Variants in GRIK3 observed in about 807,000 individuals in gnomAD.
GRIK3 encodes glutamate ionotropic receptor kainate type subunit 3, also known as glutamate receptor ionotropic, kainate 3.
GRIK3 carries 29 observed loss-of-function variants against 102.5 expected under a neutral mutation model. That is an observed-to-expected ratio of 0.28 (90% confidence interval 0.21 to 0.39). The LOEUF (loss-of-function observed/expected upper bound fraction) is 0.39. Ranked by LOEUF, GRIK3 falls within the 10% of genes least tolerant of loss-of-function variation. GRIK3 has a pLI of 1.00. For synonymous variants in GRIK3, 511 were observed against 504.9 expected (o/e 1.01, Z -0.16); for missense variants, 908 against 1,252.4 (o/e 0.73, Z 4.15).
intron 1 of GRIK3, among the ~76,000 whole-genome samples, chr1:36,915,195 A>C (rs1641385392): frequency 6.6e-6 from 1 of 152,152 alleles, no homozygotes; most frequent in African/African-American, 2.4e-5. Context: ...CCACTGTGAC[A>C]CCTTGCTTGC....
chr1:36,883,642 T>C (rs532495321), intron 2 of GRIK3, among the ~76,000 whole-genome samples: 1 of 152,304 alleles, frequency 6.6e-6, no homozygotes, highest in Non-Finnish European at 1.5e-5. Flanking sequence ...CACAGGCTCC[T>C]GGTGGGTATG....
At chr1:36,964,464 G>A (rs571647374) in intron 1 of GRIK3, among the ~76,000 whole-genome samples, 113 of 152,258 alleles carry the variant, frequency 7.4e-4, no homozygotes, top group African/African-American at 1.3e-3. Context: ...AGACAAGTCC[G>A]GCCACTGGAA....
chr1:36,885,189 C>T (rs1265781877), intron 2 of GRIK3, among the ~76,000 whole-genome samples: 2 of 152,110 alleles, frequency 1.3e-5, no homozygotes, highest in African/African-American at 2.4e-5. Context: ...ATGAGACTGA[C>T]AATGATAAAT....
chr1:36,850,091 T>C lies in GRIK3; in HGVS notation c.1326+220A>G, dbSNP rs1362411947. On this transcript the variant is annotated intron_variant, in intron 9 of 15. Transcript: ENST00000373091. The surrounding 1 kb of genome is among the most constrained non-coding windows in gnomAD (Gnocchi z 4.0). ...AGACATCAAGGACTTGGGGAGTGAG[T>C]GGGAGTGAGACACAAAAACGCAGCG... 1 of 541,712 alleles carries C rather than the reference T, an allele frequency of 1.8e-6. No homozygotes were observed. Among genetic ancestry groups the C allele is most frequent in the Non-Finnish European group, 3.3e-6 (1 of 302,622 alleles). 33.6% of individuals were successfully genotyped at this position (541,712 alleles called of 1,614,324 possible).
chr1:36,853,191 A>AG (rs1162586090), intron 8 of GRIK3, among the ~76,000 whole-genome samples: 2 of 152,260 alleles, frequency 1.3e-5, no homozygotes, highest in Non-Finnish European at 2.9e-5. Flanking sequence ...CACTACTCAC[A>AG]GGGGAGATAC....
chr1:36,841,147 C>G (rs767581550), intron 10 of GRIK3, among the ~76,000 whole-genome samples: 9 of 152,138 alleles, frequency 5.9e-5, no homozygotes, highest in Non-Finnish European at 8.8e-5. Flanking sequence ...GTACACCCCC[C>G]ACCCCCTCAC....
chr1:36,805,936 C>CAAAAAAAAAAAAAAAA (rs749853809), intron 14 of GRIK3, among the ~76,000 whole-genome samples, 168 bp downstream of exon 14: 1 of 31,606 alleles, frequency 3.2e-5, no homozygotes, highest in Non-Finnish European at 6.2e-5. Context: ...AACTCCACCT[C>CAAAAAAAAAAAAAAAA]AAAAAAAAAA....
chr1:36,978,735 G>GATGATGAGAGATGAGTGGCCAAGTCACCC, intron 1 of GRIK3, among the ~76,000 whole-genome samples: 1 of 152,202 alleles, frequency 6.6e-6, no homozygotes, highest in African/African-American at 2.4e-5. Context: ...CGCCAGGCTA[G>GATGATGAGAGATGAGTGGCCAAGTCACCC]TCCATATGAC....
At chr1:36,847,753 T>A (rs1368030975) in intron 9 of GRIK3, among the ~76,000 whole-genome samples, 1 of 152,238 alleles carries the variant, frequency 6.6e-6, no homozygotes, top group Non-Finnish European at 1.5e-5. Context: ...TAGGGTCATA[T>A]GGCAAATCAA....
rs192673316 is a variant in GRIK3 at position 37,004,740 on chromosome 1, G to T, written c.115+29254C>A. 3.9e-5 allele frequency among the ~76,000 whole-genome samples: 6 copies of T among 152,366 alleles called. No homozygotes were observed. In the East Asian group the frequency reaches 1.2e-3, roughly 29 times the overall value. ...ATGGCACATGTGTGACTTAGGCAGG[G>T]TGACAACAATGGGGACAGCGATTAA... On this transcript the variant is annotated intron_variant, in intron 1 of 15. Coordinates refer to ENST00000373091, the MANE Select transcript of GRIK3 (RefSeq NM_000831.4).
chr1:36,854,997 A>G (rs1322576354), intron 7 of GRIK3, among the ~76,000 whole-genome samples: 2 of 152,158 alleles, frequency 1.3e-5, no homozygotes, highest in Non-Finnish European at 2.9e-5. Context: ...GGAACTTAGG[A>G]CGGCAGCTGG....
chr1:36,909,565 T>G (rs1430841709), intron 1 of GRIK3, among the ~76,000 whole-genome samples: 1 of 152,198 alleles, frequency 6.6e-6, no homozygotes, highest in Admixed American at 6.5e-5. Flanking sequence ...CCTCCCAAAG[T>G]GCTAGGATGA....
intron 4 of GRIK3, 79 bp from the exon 5 acceptor site, chr1:36,869,880 T>C: frequency 4.6e-6 from 5 of 1,078,250 alleles, no homozygotes; most frequent in Non-Finnish European, 7.2e-6. Context: ...GGGCTGAGAA[T>C]GGGACTGGCA....
At position 36,808,100 on chromosome 1, in the gene GRIK3, G is replaced by GC. The variant is rs1642520784; in HGVS notation, c.2092-1775dup. Among the ~76,000 whole-genome samples the GC allele has an allele frequency of 2.0e-5, 3 of 152,196 alleles. No individual in the cohort carries two copies. In the South Asian group the frequency reaches 6.2e-4, roughly 32 times the overall value. On this transcript the variant is annotated intron_variant, in intron 13 of 15. Coordinates refer to ENST00000373091, the MANE Select transcript of GRIK3 (RefSeq NM_000831.4). ...CAGTGCTTCCTGTGGCCCAGGCTGT[G>GC]CCCCACGCAATATTCTTGCCCTTAA...
intron 1 of GRIK3, among the ~76,000 whole-genome samples, chr1:36,922,943 T>C (rs1252836474): frequency 6.6e-6 from 1 of 152,138 alleles, no homozygotes; most frequent in Non-Finnish European, 1.5e-5. Context: ...GGAGGCTGTA[T>C]TGCAGGGTTG....
chr1:36,977,113 A>G (rs1284153537), intron 1 of GRIK3, among the ~76,000 whole-genome samples: 3 of 152,182 alleles, frequency 2.0e-5, no homozygotes, highest in Non-Finnish European at 2.9e-5. Flanking sequence ...AGTCAGGTAG[A>G]TGTGGATTCA....
At chr1:36,984,317 T>G (rs1225037908) in intron 1 of GRIK3, among the ~76,000 whole-genome samples, 1 of 152,222 alleles carries the variant, frequency 6.6e-6, no homozygotes, top group Non-Finnish European at 1.5e-5. Flanking sequence ...TCCTCACACA[T>G]GCACACTATC....
At chr1:36,977,083 C>T (rs936881210) in intron 1 of GRIK3, among the ~76,000 whole-genome samples, 2 of 152,210 alleles carry the variant, frequency 1.3e-5, no homozygotes, top group African/African-American at 4.8e-5. Flanking sequence ...AGCCAGTCCA[C>T]ATCATCCCTC....
intron 10 of GRIK3, among the ~76,000 whole-genome samples, chr1:36,828,925 TC>T (rs2124201254): frequency 6.6e-6 from 1 of 152,246 alleles, no homozygotes; most frequent in African/African-American, 2.4e-5. Flanking sequence ...GGCCAGCCCT[TC>T]CCCCAGATCC....
Sources: gnomAD v4.1 joint callset for allele counts (sites outside exome capture counted in the v4.1 genomes callset) on GRCh38, gnomAD v4.1.1 for gene constraint, Gnocchi (gnomAD v3.1) non-coding constraint, MANE v1.5 for transcripts, NCBI Gene and HGNC (gene_info 2026-07-23, HGNC 2026-07-21) for gene names.